The following SEMA3E variants were observed in gnomAD, a reference collection of about 807,000 sequenced individuals.
The protein encoded by SEMA3E is semaphorin 3E.
A neutral mutation model predicts 93.6 loss-of-function variants in SEMA3E; 49 were observed. The ratio of observed to expected loss-of-function variants is 0.52; its 90% CI spans 0.42 to 0.66. SEMA3E has a LOEUF of 0.66. SEMA3E is among the 30% of genes least tolerant of loss of function. SEMA3E has a pLI of 0.00. For synonymous variants in SEMA3E, 363 were observed against 330.7 expected (o/e 1.10, Z -1.06); for missense variants, 906 against 964.8 (o/e 0.94, Z 0.81).
chr7:83,501,956 A>G (rs941882713), intron 1 of SEMA3E, among the ~76,000 whole-genome samples: 4 of 152,170 alleles, frequency 2.6e-5, no homozygotes, highest in African/African-American at 9.7e-5. Flanking sequence ...CTTGACCCCC[A>G]AATCCATACT....
At chr7:83,565,995 C>CTTTTTTTTTTTTTTT (rs750248438) in intron 1 of SEMA3E, among the ~76,000 whole-genome samples, 1 of 112,740 alleles carries the variant, frequency 8.9e-6, no homozygotes, top group Non-Finnish European at 1.7e-5. Context: ...TGTTTCCACT[C>CTTTTTTTTTTTTTTT]TTTTTTTTTT....
intron 1 of SEMA3E, among the ~76,000 whole-genome samples, chr7:83,531,937 A>C (rs997597059): frequency 2.0e-5 from 3 of 152,192 alleles, no homozygotes; most frequent in Admixed American, 6.6e-5. Flanking sequence ...ATTTGCATTC[A>C]ACTATTCCAT....
rs534126181 is a variant in SEMA3E at position 83,575,290 on chromosome 7, C to T, written c.115+73138G>A. On this transcript the variant is annotated intron_variant, in intron 1 of 16. Transcript: ENST00000643230. ...TTGCTCTTTAGATAGAAATAGATCA[C>T]AGTGTTATTACCTGCATACAAGATA... 1.9e-4 allele frequency among the ~76,000 whole-genome samples: 28 copies of T among 151,134 alleles called. No individual in the cohort carries two copies. In the South Asian group the frequency reaches 5.7e-3, roughly 31 times the overall value.
At position 83,410,853 on chromosome 7, in the gene SEMA3E, C is replaced by T. The variant is rs886416333; in HGVS notation, c.551-2366G>A. Among the ~76,000 whole-genome samples, 18 of 152,018 alleles carry T rather than the reference C, an allele frequency of 1.2e-4. 1 individual carries two copies. The highest frequency in any genetic ancestry group is 4.1e-4 in the African/African-American group (17 of 41,432). ...TATTATAGTTGAGTTATGTTTACCA[C>T]ACCAAATATAAAGACCAGCTTGTTA... On this transcript the variant is annotated intron_variant, in intron 5 of 16. Transcript: ENST00000643230.
chr7:83,378,041 C>T (rs1435376957), intron 16 of SEMA3E, among the ~76,000 whole-genome samples: 3 of 151,616 alleles, frequency 2.0e-5, no homozygotes, highest in Admixed American at 2.0e-4. Flanking sequence ...GGTGATTTGG[C>T]TATAATTTTA....
intron 1 of SEMA3E, among the ~76,000 whole-genome samples, chr7:83,618,362 C>T (rs1053851766): frequency 6.6e-6 from 1 of 152,008 alleles, no homozygotes; most frequent in Non-Finnish European, 1.5e-5. Context: ...TCTCATTATA[C>T]AGCTAGTTGC....
chr7:83,367,664 C>G lies in SEMA3E; in HGVS notation c.2250G>C (p.Lys750Asn). ...KKLKMSPSKW[K>N]YANPQEKKLR... Reference sequence around the variant, plus strand: ...GCTTCTTTTCCTGAGGGTTGGCATACTTCCACTTGGAGGGTGACATTTTAA... The same window carrying G: ...GCTTCTTTTCCTGAGGGTTGGCATAGTTCCACTTGGAGGGTGACATTTTAA... The change falls in exon 17 of 17, where the codon AAG (lysine) becomes AAC (asparagine). Residue 750 changes from lysine (K) to asparagine (N), a missense_variant. Physicochemically the swap from Lys to Asn is moderately conservative, Grantham distance 94. Transcript: ENST00000643230. 2 of 1,614,148 alleles carry G rather than the reference C, an allele frequency of 1.2e-6. No individual in the cohort carries two copies. Among genetic ancestry groups the G allele is most frequent in the African/African-American group, 2.7e-5 (2 of 75,040 alleles).
intron 4 of SEMA3E, among the ~76,000 whole-genome samples, chr7:83,424,311 T>C (rs932118509): frequency 1.3e-5 from 2 of 152,242 alleles, no homozygotes; most frequent in Admixed American, 1.3e-4. Context: ...AATTCCTCTG[T>C]CTAATCACTT....
chr7:83,611,272 TTATATATTATATATTAAATTTA>T (rs979424894), intron 1 of SEMA3E, among the ~76,000 whole-genome samples: 5 of 143,468 alleles, frequency 3.5e-5, no homozygotes, highest in African/African-American at 1.3e-4. Context: ...ATATATAAAT[TTATATATTATATATTAAATTTA>T]TATATTATAT....
chr7:83,373,057 G>A (rs546278020), intron 16 of SEMA3E: 1 of 151,888 alleles, frequency 6.6e-6, no homozygotes, highest in Admixed American at 6.6e-5. Context: ...TATTCTTATA[G>A]GCAATCTATA....
chr7:83,601,845 C>G (rs553671020), intron 1 of SEMA3E, among the ~76,000 whole-genome samples: 19 of 152,272 alleles, frequency 1.2e-4, no homozygotes, highest in Non-Finnish European at 2.4e-4. Context: ...TGAAACATCC[C>G]CTTATCTAAT....
At chr7:83,382,149 G>T (rs1787788926) in intron 16 of SEMA3E, among the ~76,000 whole-genome samples, 1 of 151,926 alleles carries the variant, frequency 6.6e-6, no homozygotes, top group Non-Finnish European at 1.5e-5. Context: ...TTAGAATTTT[G>T]ATTTCAGAAG....
At chr7:83,399,726 C>T (rs1397937429) in intron 11 of SEMA3E, among the ~76,000 whole-genome samples, 3 of 152,094 alleles carry the variant, frequency 2.0e-5, no homozygotes, top group African/African-American at 7.2e-5. Flanking sequence ...GCTATGCAAG[C>T]CCCAAATCCT....
At chr7:83,487,378 AATT>A (rs1183956563) in intron 2 of SEMA3E, among the ~76,000 whole-genome samples, 1 of 152,274 alleles carries the variant, frequency 6.6e-6, no homozygotes, top group East Asian at 1.9e-4. Context: ...TTTGAGAACT[AATT>A]CTTCAATGAA....
chr7:83,602,104 G>A (rs10268850), intron 1 of SEMA3E, among the ~76,000 whole-genome samples: 2,662 of 152,214 alleles, frequency 0.017, 78 homozygotes, highest in African/African-American at 0.059. Context: ...TAGTGGAGAC[G>A]ATTCCTGTAT....
rs2722985 is a variant in SEMA3E at position 83,408,435 on chromosome 7, C to A, written c.603G>T (p.Ala201=). ...CCAGTCGCCCCATGCTGCGGAAGAT[C>A]GCAGCGTCTCTGCTCCAGTAGTCAC... ...LYSDYWSRDA[A]IFRSMGRLAH... The change falls in exon 6 of 17, where the codon GCG becomes GCT. Residue 201 remains alanine (A), a synonymous_variant. Transcript: ENST00000643230. 0.59 allele frequency: 959,215 copies of A among 1,613,168 alleles called. 294,423 individuals are homozygous for A. The highest frequency in any genetic ancestry group is 0.83 in the East Asian group (37,426 of 44,844).
At chr7:83,402,813 C>T (rs1391470916) in intron 9 of SEMA3E, 37 bp from the exon 10 acceptor site, 1 of 1,590,082 alleles carries the variant, frequency 6.3e-7, no homozygotes, top group Admixed American at 1.7e-5. Flanking sequence ...TCTTCTGGAA[C>T]TAACTGCAGG....
chr7:83,584,705 T>C (rs1010789401), intron 1 of SEMA3E, among the ~76,000 whole-genome samples: 2 of 152,118 alleles, frequency 1.3e-5, no homozygotes, highest in African/African-American at 2.4e-5. Context: ...ATATTGACAA[T>C]AGATGTAAAC....
intron 1 of SEMA3E, among the ~76,000 whole-genome samples, chr7:83,628,233 T>C (rs2115661503): frequency 6.6e-6 from 1 of 152,266 alleles, no homozygotes; most frequent in East Asian, 1.9e-4. Context: ...CCTTTCTCTC[T>C]GGCTGCCCTT....
Sources: gnomAD v4.1 joint callset for allele counts (sites outside exome capture counted in the v4.1 genomes callset) on GRCh38, gnomAD v4.1.1 for gene constraint, MANE v1.5 for transcripts, NCBI Gene and HGNC (gene_info 2026-07-23, HGNC 2026-07-21) for gene names.